The following KRT74 variants were observed in gnomAD, a reference collection of about 807,000 sequenced individuals.
KRT74 encodes keratin, type II cytoskeletal 74.
KRT74 carries 43 observed loss-of-function variants against 42.7 expected under a neutral mutation model. That is an observed-to-expected ratio of 1.01 (90% CI 0.79 to 1.30). The LOEUF is 1.30. Among genes scored for constraint, KRT74 ranks in the 50% most tolerant of loss-of-function variants. KRT74 has a pLI of 0.00. For synonymous variants in KRT74, 302 were observed against 279.0 expected (o/e 1.08, Z -0.82); for missense variants, 736 against 689.1 (o/e 1.07, Z -0.76).
At chr12:52,572,221 A>G (rs1939497214) in intron 2 of KRT74, among the ~76,000 whole-genome samples, 1 of 152,130 alleles carries the variant, frequency 6.6e-6, no homozygotes, top group Admixed American at 6.5e-5. Context: ...GGCTCCCGAC[A>G]CCAGCAACTG....
chr12:52,567,192 G>A, intron 8 of KRT74, 24 bp from the exon 9 acceptor site: 2 of 1,547,538 alleles, frequency 1.3e-6, no homozygotes. Context: ...GCCAAGAGCA[G>A]GGGAGAGGAG....
At chr12:52,571,640 T>A (rs1217136029) in intron 3 of KRT74, among the ~76,000 whole-genome samples, 186 bp from the exon 4 acceptor site, 2 of 152,194 alleles carry the variant, frequency 1.3e-5, no homozygotes, top group African/African-American at 4.8e-5. Context: ...GGCAGCTCTG[T>A]TATGCCTGGA....
At chr12:52,570,006 G>C in intron 5 of KRT74, 22 bp from the exon 6 acceptor site, 1 of 1,613,806 alleles carries the variant, frequency 6.2e-7, no homozygotes, top group Non-Finnish European at 8.5e-7. Flanking sequence ...GAGATAGGAA[G>C]TTGGTGATGA....
chr12:52,573,246 G>A, intron 1 of KRT74, 61 bp downstream of exon 1: 1 of 1,505,882 alleles, frequency 6.6e-7, no homozygotes, highest in Middle Eastern at 1.9e-4. Context: ...TCCATTCCCA[G>A]GCAGCAGGAA....
intron 5 of KRT74, 34 bp from the exon 6 acceptor site, chr12:52,570,018 A>T: frequency 6.2e-7 from 1 of 1,613,294 alleles, no homozygotes. Context: ...TGGTGATGAG[A>T]CAAGGGCACT....
At chr12:52,570,007 T>A (rs190895930) in intron 5 of KRT74, 23 bp from the exon 6 acceptor site, 1 of 1,613,624 alleles carries the variant, frequency 6.2e-7, no homozygotes, top group South Asian at 1.1e-5. Context: ...AGATAGGAAG[T>A]TGGTGATGAG....
intron 5 of KRT74, among the ~76,000 whole-genome samples, chr12:52,570,320 C>G (rs1005937612): frequency 2.0e-5 from 3 of 152,204 alleles, no homozygotes; most frequent in African/African-American, 7.2e-5. Context: ...GGCTACACTC[C>G]CGCAAGTCTG....
chr12:52,566,933 C>A lies in KRT74; in HGVS notation c.*36G>T, dbSNP rs746560551. 3.8e-6 allele frequency: 6 copies of A among 1,585,294 alleles called. No individual in the cohort carries two copies. In the East Asian group the frequency reaches 1.1e-4, roughly 30 times the overall value. ...ACCTTTGGGGGTGGCAAAGTCACCTCTTCTTCCAAGTGCTGAGGTGGGTGA... is the reference window on the plus strand; with the variant it reads ...ACCTTTGGGGGTGGCAAAGTCACCTATTCTTCCAAGTGCTGAGGTGGGTGA... On this transcript the variant is annotated 3_prime_UTR_variant, in exon 9 of 9. Coordinates refer to ENST00000305620, the MANE Select transcript of KRT74 (RefSeq NM_175053.4).
chr12:52,573,279 G>C (rs769127380), intron 1 of KRT74, 28 bp downstream of exon 1: 3 of 1,604,498 alleles, frequency 1.9e-6, no homozygotes, highest in Non-Finnish European at 1.7e-6. Context: ...CTCAGGGTGC[G>C]GCCTCATCCT....
chr12:52,567,162 A>G lies in KRT74; in HGVS notation c.1397T>C (p.Ile466Thr). 6.3e-7 allele frequency: 1 copy of G among 1,596,302 alleles called. No homozygotes were observed. The highest frequency in any genetic ancestry group is 8.6e-7 in the Non-Finnish European group (1 of 1,167,788). ...ENPSSVSISVISSSSYSYHHP... is the reference protein window; with the variant it reads ...ENPSSVSISVTSSSSYSYHHP... ...GTGGTAGCTGTAGCTGCTACTGCTG[A>G]TGACAGCTGAGGAGGAGGGGCCAAG... is the stretch of plus-strand genomic sequence containing the variant. Residue 466 changes from isoleucine to threonine, a missense_variant, in exon 9 of 9, where the codon ATC (isoleucine) becomes ACC (threonine). Coordinates refer to ENST00000305620, the MANE Select transcript of KRT74 (RefSeq NM_175053.4).
At position 52,567,025 on chromosome 12, in the gene KRT74, C is replaced by T. The variant is rs868619275; in HGVS notation, c.1534G>A (p.Asp512Asn). 1.9e-5 allele frequency: 31 copies of T among 1,604,024 alleles called. 1 individual carries two copies. In the Middle Eastern group the frequency reaches 3.4e-3, roughly 173 times the overall value. Residue 512 changes from aspartate to asparagine, a missense_variant, in exon 9 of 9, where the codon GAC (aspartate) becomes AAC (asparagine). Physicochemically the swap from Asp to Asn is conservative, Grantham distance 23. Coordinates refer to ENST00000305620, the MANE Select transcript of KRT74 (RefSeq NM_175053.4). ...TTEARGGDLK[D>N]TQGKSTPASI... is the part of the protein sequence containing the mutation. Reference sequence around the variant, plus strand: ...GCTGGGGTGCTCTTGCCCTGGGTGTCCTTGAGGTCTCCCCCTCGCGCCTCT... The same window carrying T: ...GCTGGGGTGCTCTTGCCCTGGGTGTTCTTGAGGTCTCCCCCTCGCGCCTCT...
rs563878820 is a variant in KRT74, at chr12:52,573,429, CAGTG to C, written c.345_348del (p.Thr116SerfsTer31). 2.2e-4 allele frequency: 352 copies of C among 1,614,222 alleles called. No individual in the cohort carries two copies. In the East Asian group the frequency reaches 7.8e-3, roughly 36 times the overall value. On this transcript the variant is annotated frameshift_variant, in exon 1 of 9. Transcript: ENST00000305620. LOFTEE classifies it high-confidence loss of function. ...AGGGGGGCCAAGAGGCTCTTGTTGA[CAGTG>C]ACCTGGTGGATGCCCCCAGGTGGGC...
At position 52,568,180 on chromosome 12, in the gene KRT74, G is replaced by C; in HGVS notation, c.1344C>G (p.Gly448=). 6 of 1,614,042 alleles carry C rather than the reference G, an allele frequency of 3.7e-6. No individual in the cohort carries two copies. Among genetic ancestry groups the C allele is most frequent in the Non-Finnish European group, 5.1e-6 (6 of 1,179,972 alleles). Residue 448 remains glycine (G), a synonymous_variant, in exon 7 of 9, where the codon GGC becomes GGG. Coordinates refer to ENST00000305620, the MANE Select transcript of KRT74 (RefSeq NM_175053.4). Reference sequence around the variant, plus strand: ...TCCACCCCACCTACCTGCACTCCTCGCCCTCCAGCAGCTTGCGGTAGGTGG... The same window carrying C: ...TCCACCCCACCTACCTGCACTCCTCCCCCTCCAGCAGCTTGCGGTAGGTGG... ...EIATYRKLLE[G]EECRMSGENP... is the part of the protein sequence containing the mutation.
In KRT74 at chr12:52,567,236, G is replaced by A. The variant is rs998669236; in HGVS notation, c.1391-68C>T. ...ATCAGCAGATAACAGCTATGGTAAC[G>A]GCTGTCCCCAAGGGCTTCTCCACAA... is the stretch of plus-strand genomic sequence containing the variant. On this transcript the variant is annotated intron_variant, in intron 8 of 8. Coordinates refer to ENST00000305620, the MANE Select transcript of KRT74 (RefSeq NM_175053.4). 1.3e-4 allele frequency: 177 copies of A among 1,342,804 alleles called. 1 individual carries two copies. The highest frequency in any genetic ancestry group is 1.6e-4 in the Non-Finnish European group (155 of 997,534). The allele number at this position is 1,342,804 out of a possible 1,614,324, so 83.2% of individuals were successfully genotyped here.
In KRT74 at chr12:52,571,550, C is replaced by G. The variant is rs543350477; in HGVS notation, c.748-96G>C. On this transcript the variant is annotated intron_variant, in intron 3 of 8. Transcript: ENST00000305620. ...TCAAAGCCACCTGATTTTCTATTTTCTACCCACAAAGGAAAGCTCACTCAA... is the reference window on the plus strand; with the variant it reads ...TCAAAGCCACCTGATTTTCTATTTTGTACCCACAAAGGAAAGCTCACTCAA... 5.4e-5 allele frequency: 48 copies of G among 885,128 alleles called. No homozygotes were observed. The African/African-American group carries it at 6.5e-4, about 12-fold the overall frequency. The allele number at this position is 885,128 out of a possible 1,614,324, so 54.8% of individuals were successfully genotyped here. A position where few individuals can be genotyped will look rare whatever the true frequency, so the allele number is the denominator to read the frequency against.
Position 52,570,669 on chromosome 12 carries a change from C to CTTGG in KRT74, c.1004_1007dup (p.Lys336AsnfsTer15). The CTTGG allele has an allele frequency of 6.2e-7, 1 of 1,614,252 alleles. No homozygotes were observed. Among genetic ancestry groups the CTTGG allele is most frequent in the Non-Finnish European group, 8.5e-7 (1 of 1,180,048 alleles). On this transcript the variant is annotated frameshift_variant and splice_region_variant, in exon 5 of 9. Transcript: ENST00000305620. LOFTEE classifies it high-confidence loss of function. The stretch of plus-strand genomic sequence containing the variant: ...GGGAGGAGACCCATTCGGTGACCAC[C>CTTGG]TTGGTCTGGTACAGGGCCTCGGCCT...
intron 6 of KRT74, 139 bp downstream of exon 6, chr12:52,569,719 TG>T: frequency 9.4e-7 from 1 of 1,067,508 alleles, no homozygotes; most frequent in Non-Finnish European, 1.4e-6. Flanking sequence ...CGAGGCAGGG[TG>T]GGAAAGGGAG....
rs893508278 is a variant in KRT74 at position 52,566,129 on chromosome 12, A to G, written c.*840T>C. On this transcript the variant is annotated 3_prime_UTR_variant, in exon 9 of 9. Transcript: ENST00000305620. The stretch of plus-strand genomic sequence containing the variant: ...CAGCCCTTTTGTTAAAAAGGCAGTG[A>G]CACACCACAGAAAAAGCATAGATCC... The G allele has an allele frequency of 6.6e-6, 1 of 152,224 alleles. No individual in the cohort carries two copies. Among genetic ancestry groups the G allele is most frequent in the African/African-American group, 2.4e-5 (1 of 41,450 alleles). 9.4% of individuals were successfully genotyped at this position (152,224 alleles called of 1,614,324 possible). A position where few individuals can be genotyped will look rare whatever the true frequency, so the allele number is the denominator to read the frequency against.
rs1296386750 is a variant in KRT74, at chr12:52,566,030, A to G, written c.*939T>C. 3.9e-5 allele frequency: 6 copies of G among 152,202 alleles called. No individual in the cohort carries two copies. The East Asian group carries it at 1.2e-3, about 29-fold the overall frequency. 9.4% of individuals were successfully genotyped at this position (152,202 alleles called of 1,614,324 possible). A position where few individuals can be genotyped will look rare whatever the true frequency, so the allele number is the denominator to read the frequency against. ...CAGCCCCAGAGAGACTGTGGAAGACAAATCACATACCCACAGTCCTGACAA... is the reference window on the plus strand; with the variant it reads ...CAGCCCCAGAGAGACTGTGGAAGACGAATCACATACCCACAGTCCTGACAA... On this transcript the variant is annotated 3_prime_UTR_variant, in exon 9 of 9. Coordinates refer to ENST00000305620, the MANE Select transcript of KRT74 (RefSeq NM_175053.4).
Sources: gnomAD v4.1 joint callset for allele counts (sites outside exome capture counted in the v4.1 genomes callset) on GRCh38, gnomAD v4.1.1 for gene constraint, MANE v1.5 for transcripts, NCBI Gene and HGNC (gene_info 2026-07-23, HGNC 2026-07-21) for gene names.